EFR3A: variants seen among roughly 807,000 people sequenced by gnomAD.
EFR3A encodes the protein EFR3 homolog A, also known as protein EFR3 homolog A.
EFR3A carries 76 observed loss-of-function variants against 104.4 expected under a neutral mutation model. The observed-to-expected ratio is 0.73, with a 90% CI of 0.60 to 0.88. The LOEUF is 0.88. EFR3A is among the 40% of genes least tolerant of loss of function. The pLI, the probability that EFR3A is intolerant of heterozygous loss-of-function variation, is 0.00. For synonymous variants in EFR3A, 330 were observed against 330.0 expected, an observed-to-expected ratio of 1.00 and a Z score of 0.00; for missense variants, 985 against 1,012.5, an observed-to-expected ratio of 0.97 and a Z score of 0.37.
intron 4 of EFR3A, among the ~76,000 whole-genome samples, chr8:131,946,872 A>T (rs1300929391): frequency 6.6e-6 from 1 of 151,998 alleles, no homozygotes; most frequent in East Asian, 1.9e-4. Flanking sequence ...CATACTTGTC[A>T]TTTTTATTTT....
chr8:131,919,595 C>CA (rs1054823834), intron 1 of EFR3A, among the ~76,000 whole-genome samples: 2,739 of 51,520 alleles, frequency 0.053, 44 homozygotes, highest in South Asian at 0.08. Context: ...GACTCCGTCT[C>CA]AAAAAAAAAA....
At chr8:131,975,756 A>G (rs1486775255) in intron 10 of EFR3A, among the ~76,000 whole-genome samples, 1 of 152,086 alleles carries the variant, frequency 6.6e-6, no homozygotes, top group Non-Finnish European at 1.5e-5. Flanking sequence ...AACTCAAGTC[A>G]GTCCCGGTTT....
At chr8:131,942,255 A>G (rs1234877257) in intron 2 of EFR3A, among the ~76,000 whole-genome samples, 1 of 152,022 alleles carries the variant, frequency 6.6e-6, no homozygotes, top group African/African-American at 2.4e-5. Flanking sequence ...TTAAAAAAGG[A>G]AAAGATCTAC....
chr8:131,984,382 A>G, intron 15 of EFR3A, 82 bp downstream of exon 15: 1 of 1,338,050 alleles, frequency 7.5e-7, no homozygotes, highest in Non-Finnish European at 9.9e-7. Flanking sequence ...TTATCCAAGG[A>G]CATGAATTTT....
At chr8:131,938,050 A>G (rs1157448633) in intron 1 of EFR3A, among the ~76,000 whole-genome samples, 2 of 152,002 alleles carry the variant, frequency 1.3e-5, no homozygotes, top group Non-Finnish European at 2.9e-5. Context: ...CTTGATATGG[A>G]TATTATCAAG....
chr8:131,960,731 G>A (rs947020215), intron 8 of EFR3A, among the ~76,000 whole-genome samples: 3 of 152,284 alleles, frequency 2.0e-5, no homozygotes, highest in Admixed American at 2.0e-4. Context: ...TTCAAATATA[G>A]TAAGGCATTT....
intron 1 of EFR3A, chr8:131,924,052 G>A (rs951928313): frequency 2.7e-5 from 10 of 375,018 alleles, no homozygotes; most frequent in African/African-American, 1.9e-4. Flanking sequence ...TGTAATTGCT[G>A]TATCTTGCTA....
At chr8:131,997,737 A>C (rs1445670551) in intron 19 of EFR3A, among the ~76,000 whole-genome samples, 4 of 152,056 alleles carry the variant, frequency 2.6e-5, no homozygotes, top group Non-Finnish European at 1.5e-5. Flanking sequence ...GAAGAAATTC[A>C]TCCAGAGTCT....
intron 5 of EFR3A, among the ~76,000 whole-genome samples, chr8:131,952,804 C>A (rs1169971838): frequency 6.6e-5 from 10 of 152,196 alleles, no homozygotes; most frequent in Non-Finnish European, 1.3e-4. Flanking sequence ...TCTGCTACTC[C>A]TGAATGCCTG....
At chr8:131,910,929 C>T (rs537391526) in intron 1 of EFR3A, among the ~76,000 whole-genome samples, 1 of 152,224 alleles carries the variant, frequency 6.6e-6, no homozygotes, top group South Asian at 2.1e-4. Context: ...CACAGAAAAT[C>T]CCAATATGGC....
chr8:131,943,928 C>T (rs939748094), intron 2 of EFR3A, among the ~76,000 whole-genome samples: 17 of 151,994 alleles, frequency 1.1e-4, no homozygotes, highest in Non-Finnish European at 2.1e-4. Context: ...TTGAGGAAAA[C>T]GGAGTAGGTA....
intron 18 of EFR3A, among the ~76,000 whole-genome samples, chr8:131,987,947 A>C (rs907989740): frequency 6.6e-6 from 1 of 152,152 alleles, no homozygotes; most frequent in Non-Finnish European, 1.5e-5. Context: ...ATTTATTGTT[A>C]CAATACTTAA....
intron 3 of EFR3A, 76 bp from the exon 4 acceptor site, chr8:131,946,407 G>A: frequency 7.5e-7 from 1 of 1,327,216 alleles, no homozygotes; most frequent in Non-Finnish European, 9.8e-7. Context: ...ACTTATTTCA[G>A]TTCTTCCAAT....
intron 1 of EFR3A, among the ~76,000 whole-genome samples, chr8:131,927,224 C>G (rs1817346337): frequency 6.6e-6 from 1 of 152,160 alleles, no homozygotes. Context: ...TAATGCTGGG[C>G]TGAGGCTGGG....
intron 8 of EFR3A, among the ~76,000 whole-genome samples, chr8:131,961,403 A>G (rs567664754): frequency 1.2e-4 from 18 of 152,356 alleles, no homozygotes; most frequent in African/African-American, 3.4e-4. Context: ...CACGAGAACT[A>G]CTTGACGAAT....
intron 3 of EFR3A, among the ~76,000 whole-genome samples, chr8:131,945,542 A>G (rs1007106842): frequency 2.6e-5 from 4 of 152,090 alleles, no homozygotes; most frequent in African/African-American, 9.7e-5. Flanking sequence ...CGTTGTTACC[A>G]CTTAGAACAT....
chr8:131,973,136 G>A (rs1820159390), intron 10 of EFR3A, among the ~76,000 whole-genome samples: 1 of 150,404 alleles, frequency 6.6e-6, no homozygotes, highest in African/African-American at 2.5e-5. Context: ...CTAACACAAA[G>A]TAGGCACTTA....
chr8:131,925,227 A>C (rs2130466285), intron 1 of EFR3A, among the ~76,000 whole-genome samples: 1 of 152,260 alleles, frequency 6.6e-6, no homozygotes, highest in African/African-American at 2.4e-5. Flanking sequence ...TGATATTTTA[A>C]CATTTACTAT....
chr8:131,961,166 A>G (rs1819298275), intron 8 of EFR3A, among the ~76,000 whole-genome samples: 1 of 152,218 alleles, frequency 6.6e-6, no homozygotes, highest in Non-Finnish European at 1.5e-5. Flanking sequence ...CTCCTCCTCC[A>G]AAGGAATGCA....
Sources: gnomAD v4.1 joint callset for allele counts (sites outside exome capture counted in the v4.1 genomes callset) on GRCh38, gnomAD v4.1.1 for gene constraint, MANE v1.5 for transcripts, NCBI Gene and HGNC (gene_info 2026-07-23, HGNC 2026-07-21) for gene names.